CLCN5: variants seen among roughly 807,000 people sequenced by gnomAD.
CLCN5 encodes the protein H(+)/Cl(-) exchange transporter 5.
A neutral mutation model predicts 54.0 loss-of-function variants in CLCN5; 17 were observed. That is an observed-to-expected ratio of 0.31 (90% confidence interval 0.22 to 0.47). The LOEUF is 0.47. CLCN5 is among the 20% of genes least tolerant of loss of function. CLCN5 has a pLI of 1.00. For missense variants in CLCN5, 448 were observed against 646.7 expected, an observed-to-expected ratio of 0.69 and a Z score of 3.33; for synonymous variants, 222 against 233.0, an observed-to-expected ratio of 0.95 and a Z score of 0.43.
intron 3 of CLCN5, among the ~76,000 whole-genome samples, chrX:49,950,283 C>G (rs1557172836): frequency 8.9e-6 from 1 of 111,834 alleles, no homozygotes; most frequent in Non-Finnish European, 1.9e-5. Flanking sequence ...TAATAGACAA[C>G]TATGTAAAAG....
intron 3 of CLCN5, among the ~76,000 whole-genome samples, chrX:49,939,578 A>G (rs1295865735): frequency 9.0e-6 from 1 of 110,914 alleles, no homozygotes; most frequent in African/African-American, 3.3e-5. Context: ...CATAGGTGAG[A>G]ATTGAACAAT....
chrX:49,945,189 C>T (rs1385044185), intron 3 of CLCN5: 2 of 111,781 alleles, frequency 1.8e-5, no homozygotes, highest in African/African-American at 6.5e-5. Context: ...TTAACCAGTT[C>T]ATGTGGCACA....
At chrX:50,016,622 GTGTTATATACTCTATGGGT>G (rs1930802267) in intron 3 of CLCN5, among the ~76,000 whole-genome samples, 1 of 109,029 alleles carries the variant, frequency 9.2e-6, no homozygotes, top group Non-Finnish European at 1.9e-5. Flanking sequence ...TTCCCTCTTT[GTGTTATATACTCTATGGGT>G]TTTGACAAGT....
At chrX:50,057,665 T>C (rs1932782558) in intron 4 of CLCN5, among the ~76,000 whole-genome samples, 2 of 91,015 alleles carry the variant, frequency 2.2e-5, no homozygotes, top group Non-Finnish European at 4.4e-5. Context: ...AGGACTCTCC[T>C]GGATAGATAC....
chrX:49,986,509 C>G (rs1213345633), intron 3 of CLCN5, among the ~76,000 whole-genome samples: 1 of 111,365 alleles, frequency 9.0e-6, no homozygotes, highest in Non-Finnish European at 1.9e-5. Context: ...TTGTTTTTTC[C>G]TTAGCTGAAC....
intron 3 of CLCN5, among the ~76,000 whole-genome samples, chrX:49,931,074 G>T (rs1925621182): frequency 1.8e-5 from 2 of 111,234 alleles, no homozygotes; most frequent in Admixed American, 1.9e-4. Context: ...AATTAAATCT[G>T]AATCTCTGGG....
intron 7 of CLCN5, among the ~76,000 whole-genome samples, chrX:50,078,997 G>A (rs946126121): frequency 1.8e-5 from 2 of 111,193 alleles, no homozygotes; most frequent in Middle Eastern, 4.6e-3. Context: ...TAATTTTTTT[G>A]TATTTTTAGT....
intron 3 of CLCN5, among the ~76,000 whole-genome samples, chrX:49,984,976 T>G (rs1234487658): frequency 9.6e-6 from 1 of 104,002 alleles, no homozygotes; most frequent in East Asian, 2.9e-4. Context: ...ACTTGGGCTG[T>G]TTTTTTTTTG....
At chrX:50,027,191 T>C (rs1255743174) in intron 3 of CLCN5, among the ~76,000 whole-genome samples, 4 of 109,704 alleles carry the variant, frequency 3.6e-5, no homozygotes, top group Non-Finnish European at 7.6e-5. Flanking sequence ...ATTTTTTGTA[T>C]CTTTAGGAGA....
At chrX:49,930,993 T>C (rs1325144695) in intron 3 of CLCN5, among the ~76,000 whole-genome samples, 3 of 111,156 alleles carry the variant, frequency 2.7e-5, no homozygotes, top group Non-Finnish European at 3.8e-5. Context: ...AACCTAATAG[T>C]TCCTAGCTAG....
intron 4 of CLCN5, among the ~76,000 whole-genome samples, chrX:50,045,583 C>A (rs1557187687): frequency 8.9e-6 from 1 of 112,442 alleles, no homozygotes; most frequent in Middle Eastern, 4.2e-3. Context: ...GTATTATTCT[C>A]ATTTCATAGA....
chrX:50,095,414 C>T lies in CLCN5; in HGVS notation c.*3195C>T, dbSNP rs1557195437. 8.9e-6 allele frequency: 1 copy of T among 112,468 alleles called. No homozygotes were observed. The highest frequency in any genetic ancestry group is 3.2e-5 in the African/African-American group (1 of 30,982). The allele number at this position is 112,468 out of a possible 1,213,427, so 9.3% of individuals were successfully genotyped here. A position where few individuals can be genotyped will look rare whatever the true frequency, so the allele number is the denominator to read the frequency against. Reference sequence around the variant, plus strand: ...GGTTAGAAACATATTCCAATGCTCTCCTCTTTCTCTGGCCACAGCATCCTG... The same window carrying T: ...GGTTAGAAACATATTCCAATGCTCTTCTCTTTCTCTGGCCACAGCATCCTG... On this transcript the variant is annotated 3_prime_UTR_variant, in exon 15 of 15. Coordinates refer to ENST00000376091, the MANE Select transcript of CLCN5 (RefSeq NM_001127898.4).
intron 7 of CLCN5, among the ~76,000 whole-genome samples, chrX:50,079,442 C>T (rs1183814673): frequency 8.9e-6 from 1 of 112,068 alleles, no homozygotes; most frequent in Non-Finnish European, 1.9e-5. Context: ...TACCAGCAAG[C>T]ATAACTTCCT....
At chrX:49,984,393 A>G (rs1474023348) in intron 3 of CLCN5, among the ~76,000 whole-genome samples, 4 of 111,764 alleles carry the variant, frequency 3.6e-5, no homozygotes, top group African/African-American at 1.3e-4. Context: ...TTAGCCATAG[A>G]TCAGGTTTAG....
chrX:50,088,651 G>A (rs782260027), intron 11 of CLCN5, 47 bp from the exon 12 acceptor site: 1 of 1,134,412 alleles, frequency 8.8e-7, no homozygotes, highest in East Asian at 3.0e-5. Context: ...CATGTGCCAA[G>A]CAATCACATC....
intron 3 of CLCN5, among the ~76,000 whole-genome samples, chrX:49,941,920 C>CTTTTTTTT (rs782574821): frequency 6.6e-5 from 4 of 60,568 alleles, no homozygotes; most frequent in African/African-American, 1.4e-4. Flanking sequence ...CAATCAGTAT[C>CTTTTTTTT]TTTTTTTTTT....
chrX:49,981,228 C>T (rs1557177653), intron 3 of CLCN5, among the ~76,000 whole-genome samples: 2 of 111,182 alleles, frequency 1.8e-5, no homozygotes, highest in African/African-American at 6.5e-5. Context: ...AGTTTTTTTC[C>T]CCAATGAGCC....
At chrX:50,078,168 C>A (rs112185976) in intron 7 of CLCN5, among the ~76,000 whole-genome samples, 1,754 of 110,550 alleles carry the variant, frequency 0.016, 37 homozygotes, top group African/African-American at 0.055. Context: ...TATCAAGACC[C>A]CTGTGTCTAA....
chrX:49,979,486 T>G (rs1296349465), intron 3 of CLCN5, among the ~76,000 whole-genome samples: 4 of 111,912 alleles, frequency 3.6e-5, no homozygotes, highest in Non-Finnish European at 7.5e-5. Flanking sequence ...TTCTGAAGCT[T>G]TTTACCTGCT....
Sources: gnomAD v4.1 joint callset for allele counts (sites outside exome capture counted in the v4.1 genomes callset) on GRCh38, gnomAD v4.1.1 for gene constraint, MANE v1.5 for transcripts, NCBI Gene and HGNC (gene_info 2026-07-23, HGNC 2026-07-21) for gene names.